The following ADGRA2 variants were observed in gnomAD, a reference collection of about 807,000 sequenced individuals.
The protein encoded by ADGRA2 is G-protein coupled receptor 124.
Under a neutral mutation model 98.7 loss-of-function variants are expected in ADGRA2, and 61 were observed. The observed-to-expected ratio is 0.62, with a 90% confidence interval of 0.50 to 0.76. The LOEUF (loss-of-function observed/expected upper bound fraction) is 0.76. Among genes scored for constraint, ADGRA2 ranks in the 30% least tolerant of loss-of-function variants. ADGRA2 has a pLI of 0.00. For missense variants in ADGRA2, 1,712 were observed against 1,860.0 expected (o/e 0.92, Z 1.46); for synonymous variants, 858 against 831.5 (o/e 1.03, Z -0.55).
Position 37,829,343 on chromosome 8 carries a change from G to C in ADGRA2, c.482+11G>C. ...CAGGCTTCTCCGACTGTAAGTGATGGGGTGAGAAGTGGGGAGGGGAGGAGA... is the reference window on the plus strand; with the variant it reads ...CAGGCTTCTCCGACTGTAAGTGATGCGGTGAGAAGTGGGGAGGGGAGGAGA... On this transcript the variant is annotated intron_variant, in intron 4 of 18. Coordinates refer to ENST00000412232, the MANE Select transcript of ADGRA2 (RefSeq NM_032777.10). 6.2e-7 allele frequency: 1 copy of C among 1,610,606 alleles called. No individual in the cohort carries two copies. Among genetic ancestry groups the C allele is most frequent in the Non-Finnish European group, 8.5e-7 (1 of 1,177,140 alleles).
At chr8:37,809,040 C>A (rs113457221) in intron 1 of ADGRA2, among the ~76,000 whole-genome samples, 1,539 of 152,244 alleles carry the variant, frequency 0.01, 38 homozygotes, top group African/African-American at 0.035. Context: ...CTAGGCTGGT[C>A]TTGAACTCCT....
At position 37,839,609 on chromosome 8, in the gene ADGRA2, T is replaced by A; in HGVS notation, c.2498T>A (p.Met833Lys). ...AGGITLTNYQ[M>K]VCQAVGITLH... ...GGCATCACACTCACCAACTACCAGA[T>A]GGTCTGCCAGGCGGTAAGCAGGAGA... is the stretch of plus-strand genomic sequence containing the variant. The change falls in exon 16 of 19, where the codon ATG becomes AAG. Residue 833 changes from methionine (M) to lysine (K), a missense_variant. Transcript: ENST00000412232. 2 of 1,614,004 alleles carry A rather than the reference T, an allele frequency of 1.2e-6. No individual in the cohort carries two copies. Among genetic ancestry groups the A allele is most frequent in the Non-Finnish European group, 1.7e-6 (2 of 1,179,950 alleles).
At chr8:37,812,423 C>G (rs1468029509) in intron 1 of ADGRA2, among the ~76,000 whole-genome samples, 1 of 151,952 alleles carries the variant, frequency 6.6e-6, no homozygotes, top group African/African-American at 2.4e-5. Flanking sequence ...GTCAGGAGAT[C>G]GAGACCATCC....
intron 2 of ADGRA2, 85 bp from the exon 3 acceptor site, chr8:37,828,803 C>T (rs1289215888): frequency 1.9e-6 from 2 of 1,040,260 alleles, no homozygotes; most frequent in African/African-American, 3.2e-5. Context: ...AGCAACAACA[C>T]CGTGGTGACA....
intron 2 of ADGRA2, among the ~76,000 whole-genome samples, chr8:37,822,746 T>C (rs955882448): frequency 2.0e-5 from 3 of 152,200 alleles, no homozygotes; most frequent in Admixed American, 2.0e-4. Flanking sequence ...ATAACTCGAT[T>C]CTTTCAGCAT....
chr8:37,842,538 TC>T lies in ADGRA2; in HGVS notation c.*186del. Reference sequence around the variant, plus strand: ...ATCCCTCTGGGGTAGCGACAGACAATCCCAGAAACACGCATAATACATTTCC... The same window carrying T: ...ATCCCTCTGGGGTAGCGACAGACAATCCAGAAACACGCATAATACATTTCC... On this transcript the variant is annotated 3_prime_UTR_variant, in exon 19 of 19. Coordinates refer to ENST00000412232, the MANE Select transcript of ADGRA2 (RefSeq NM_032777.10). 9.8e-7 allele frequency: 1 copy of T among 1,024,260 alleles called. No homozygotes were observed. Among genetic ancestry groups the T allele is most frequent in the Non-Finnish European group, 1.3e-6 (1 of 763,282 alleles). The allele number at this position is 1,024,260 out of a possible 1,614,324, so 63.4% of individuals were successfully genotyped here. A position where few individuals can be genotyped will look rare whatever the true frequency, so the allele number is the denominator to read the frequency against.
intron 4 of ADGRA2, 63 bp downstream of exon 4, chr8:37,829,395 G>A (rs913217824): frequency 1.3e-6 from 2 of 1,551,240 alleles, no homozygotes; most frequent in African/African-American, 2.7e-5. Context: ...GAAGCAAAAT[G>A]TGGCCCCCAA....
chr8:37,803,722 C>T (rs566581476), intron 1 of ADGRA2, among the ~76,000 whole-genome samples: 148 of 152,242 alleles, frequency 9.7e-4, no homozygotes, highest in African/African-American at 3.2e-3. Context: ...CCAGCCCTTT[C>T]CTGGGAGCCA....
chr8:37,833,011 T>G lies in ADGRA2; in HGVS notation c.1099T>G (p.Trp367Gly). The G allele has an allele frequency of 6.2e-7, 1 of 1,611,324 alleles. No individual in the cohort carries two copies. The change falls in exon 9 of 19, where the codon TGG becomes GGG. Residue 367 changes from tryptophan to glycine, a missense_variant and splice_region_variant. Coordinates refer to ENST00000412232, the MANE Select transcript of ADGRA2 (RefSeq NM_032777.10). The part of the protein sequence containing the change: ...RVANNRGDFR[W>G]PRTLAGITAY... The stretch of plus-strand genomic sequence containing the variant: ...GCAACTTCCTGCCTCTCCCCCCAGG[T>G]GGCCCCGAACTCTGGCTGGCATCAC...
chr8:37,841,023 C>A lies in ADGRA2; in HGVS notation c.2748-63C>A. The A allele has an allele frequency of 6.9e-7, 1 of 1,457,652 alleles. No individual in the cohort carries two copies. The highest frequency in any genetic ancestry group is 1.3e-5 in the South Asian group (1 of 79,514). The allele number at this position is 1,457,652 out of a possible 1,614,324, so 90.3% of individuals were successfully genotyped here. On this transcript the variant is annotated intron_variant, in intron 18 of 18. Transcript: ENST00000412232. This position sits in a 1 kb window ranked among gnomAD's most constrained non-coding sequence, Gnocchi z 5.0. Reference sequence around the variant, plus strand: ...CCATATCCTGTCTCCCCAACCACCCCGGCCCCCAGCCCCACCCCAGCCATG... The same window carrying A: ...CCATATCCTGTCTCCCCAACCACCCAGGCCCCCAGCCCCACCCCAGCCATG...
rs190275399 is a variant in ADGRA2, at chr8:37,822,960, C to T, written c.339-5928C>T. On this transcript the variant is annotated intron_variant, in intron 2 of 18. Coordinates refer to ENST00000412232, the MANE Select transcript of ADGRA2 (RefSeq NM_032777.10). ...AGTCTGGAGTGCAGTGGTGCGATCT[C>T]GGCTTGCTACAACCTCCTCCTCCCG... Among the ~76,000 whole-genome samples the T allele has an allele frequency of 1.5e-3, 229 of 149,754 alleles. 2 individuals carry two copies. Among genetic ancestry groups the T allele is most frequent in the African/African-American group, 5.4e-3 (220 of 40,580 alleles).
chr8:37,810,847 C>T (rs1010803727), intron 1 of ADGRA2, among the ~76,000 whole-genome samples: 1 of 151,682 alleles, frequency 6.6e-6, no homozygotes, highest in African/African-American at 2.4e-5. Context: ...GCGCGGTGGC[C>T]GTATCATGCC....
chr8:37,828,832 G>C (rs1462791360), intron 2 of ADGRA2, 56 bp from the exon 3 acceptor site: 1 of 1,432,576 alleles, frequency 7.0e-7, no homozygotes, highest in Non-Finnish European at 9.5e-7. Context: ...CCCTCCCGGG[G>C]AGCAGGGCGG....
chr8:37,806,300 T>C (rs971620005), intron 1 of ADGRA2, among the ~76,000 whole-genome samples: 5 of 152,148 alleles, frequency 3.3e-5, no homozygotes, highest in Admixed American at 3.3e-4. Flanking sequence ...GAGCAATGAA[T>C]GAATGAATGG....
chr8:37,825,745 C>T (rs1805260212), intron 2 of ADGRA2, among the ~76,000 whole-genome samples: 1 of 152,212 alleles, frequency 6.6e-6, no homozygotes, highest in Admixed American at 6.5e-5. Flanking sequence ...GGTAGCATTT[C>T]TCCCGCCCCG....
Position 37,814,623 on chromosome 8 carries a change from C to A in ADGRA2, c.267-273C>A, listed in dbSNP as rs1804926594. The stretch of plus-strand genomic sequence containing the variant: ...AAACGGGGCATCACAGGGTCACCCC[C>A]ACCTGCTCAGCCCACCTCCCACCTG... On this transcript the variant is annotated intron_variant, in intron 1 of 18. Coordinates refer to ENST00000412232, the MANE Select transcript of ADGRA2 (RefSeq NM_032777.10). This position sits in a 1 kb window ranked among gnomAD's most constrained non-coding sequence, Gnocchi z 4.3. Among the ~76,000 whole-genome samples the A allele has an allele frequency of 6.6e-6, 1 of 152,242 alleles. No individual in the cohort carries two copies. The highest frequency in any genetic ancestry group is 1.9e-4 in the East Asian group (1 of 5,196).
chr8:37,807,372 G>A (rs1231796420), intron 1 of ADGRA2, among the ~76,000 whole-genome samples: 1 of 152,176 alleles, frequency 6.6e-6, no homozygotes, highest in South Asian at 2.1e-4. Context: ...CCTCACTTTT[G>A]GAGGTCTTAC....
In ADGRA2 at chr8:37,806,526, C is replaced by CTT. The variant is rs533491458; in HGVS notation, c.267-8355_267-8354dup. On this transcript the variant is annotated intron_variant, in intron 1 of 18. Transcript: ENST00000412232. The stretch of plus-strand genomic sequence containing the variant: ...CTTTTTCTTTTTCTTTTTTCTTTTT[C>CTT]TTTTTTTTTTTTTTTTGAGACAGAG... Among the ~76,000 whole-genome samples, 126 of 100,342 alleles carry CTT rather than the reference C, an allele frequency of 1.3e-3. 9 individuals carry two copies. The highest frequency in any genetic ancestry group is 1.6e-3 in the Non-Finnish European group (86 of 53,654). 65.8% of individuals were successfully genotyped at this position (100,342 alleles called of 152,430 possible). A position where few individuals can be genotyped will look rare whatever the true frequency, so the allele number is the denominator to read the frequency against.
intron 2 of ADGRA2, among the ~76,000 whole-genome samples, chr8:37,824,970 CCAA>C (rs1287489613): frequency 6.6e-6 from 1 of 152,174 alleles, no homozygotes; most frequent in Admixed American, 6.6e-5. Flanking sequence ...CTCTGTTTTC[CCAA>C]CAACGGCATA....
Sources: gnomAD v4.1 joint callset for allele counts (sites outside exome capture counted in the v4.1 genomes callset) on GRCh38, gnomAD v4.1.1 for gene constraint, Gnocchi (gnomAD v3.1) non-coding constraint, MANE v1.5 for transcripts, NCBI Gene and HGNC (gene_info 2026-07-23, HGNC 2026-07-21) for gene names.